Variants in GNPTAB observed in about 807,000 individuals in gnomAD.
GNPTAB encodes N-acetylglucosamine-1-phosphotransferase subunits alpha/beta.
In GNPTAB, 92 loss-of-function variants were observed where a neutral mutation model predicts 136.6. That is an observed-to-expected ratio of 0.67 (90% CI 0.57 to 0.80). The LOEUF (loss-of-function observed/expected upper bound fraction) is 0.80. Ranked by LOEUF, GNPTAB falls within the 30% of genes least tolerant of loss-of-function variation. The pLI, the probability that GNPTAB is intolerant of heterozygous loss-of-function variation, is 0.00. For synonymous variants in GNPTAB, 512 were observed against 535.1 expected, an observed-to-expected ratio of 0.96 and a Z score of 0.60; for missense variants, 1,343 against 1,501.8, an observed-to-expected ratio of 0.89 and a Z score of 1.75.
intron 1 of GNPTAB, among the ~76,000 whole-genome samples, chr12:101,826,959 T>G (rs929360837): frequency 2.2e-5 from 3 of 134,460 alleles, no homozygotes; most frequent in East Asian, 2.1e-4. Flanking sequence ...TGTTTTTTTT[T>G]TTTTTTTTTT....
At chr12:101,771,803 CA>C (rs1365730918) in intron 7 of GNPTAB, among the ~76,000 whole-genome samples, 2 of 152,204 alleles carry the variant, frequency 1.3e-5, no homozygotes, top group Non-Finnish European at 2.9e-5. Context: ...AATGTTGGCT[CA>C]AATGATTTTT....
At chr12:101,789,790 G>C in intron 3 of GNPTAB, 148 bp downstream of exon 3, 1 of 871,724 alleles carries the variant, frequency 1.1e-6, no homozygotes, top group Non-Finnish European at 1.9e-6. Context: ...GGCCTGTTTT[G>C]TTTTTTAAAA....
rs1227130270 is a variant in GNPTAB, at chr12:101,786,090, T to C, written c.493A>G (p.Ser165Gly). Residue 165 changes from serine (S) to glycine (G), a missense_variant, in exon 5 of 21, where the codon AGT becomes GGT. By Grantham distance (56) the Ser-to-Gly change is moderately conservative (BLOSUM62 0). Coordinates refer to ENST00000299314, the MANE Select transcript of GNPTAB (RefSeq NM_024312.5). Reference protein sequence around the residue: ...PSLYPSFHSASDIFNVAKPKN... With the variant: ...PSLYPSFHSAGDIFNVAKPKN... ...GGTTTTGCAACATTGAAAATGTCAC[T>C]GGCAGAATGAAAAGAAGGATAAAGA... 6 of 1,613,992 alleles carry C rather than the reference T, an allele frequency of 3.7e-6. No homozygotes were observed. The Admixed American group carries it at 1.0e-4, about 27-fold the overall frequency.
At chr12:101,812,143 G>T (rs1040362109) in intron 1 of GNPTAB, among the ~76,000 whole-genome samples, 1 of 152,058 alleles carries the variant, frequency 6.6e-6, no homozygotes, top group African/African-American at 2.4e-5. Context: ...TACTTGGGAG[G>T]CTGAGGCAGA....
intron 7 of GNPTAB, chr12:101,773,901 A>G (rs1953220903): frequency 6.6e-6 from 1 of 152,230 alleles, no homozygotes; most frequent in Non-Finnish European, 1.5e-5. Context: ...CATATATGGC[A>G]TCTTATTTTA....
At position 101,746,045 on chromosome 12, in the gene GNPTAB, AC is replaced by A. The variant is rs1340607479; in HGVS notation, c.*1118del. ...AGACTCTGTCTCAAAAACAACAACA[AC>A]AACAACAACAAAAACTAATTCTCAG... On this transcript the variant is annotated 3_prime_UTR_variant, in exon 21 of 21. Transcript: ENST00000299314. 6.6e-6 allele frequency: 1 copy of A among 152,380 alleles called. No individual in the cohort carries two copies. Among genetic ancestry groups the A allele is most frequent in the Non-Finnish European group, 1.5e-5 (1 of 68,210 alleles). 9.4% of individuals were successfully genotyped at this position (152,380 alleles called of 1,614,324 possible).
intron 1 of GNPTAB, among the ~76,000 whole-genome samples, chr12:101,809,301 T>C (rs760147326): frequency 6.6e-6 from 1 of 152,180 alleles, no homozygotes; most frequent in African/African-American, 2.4e-5. Flanking sequence ...CCGGGAAAGA[T>C]GTGAAGCAAC....
intron 5 of GNPTAB, among the ~76,000 whole-genome samples, chr12:101,782,103 G>A (rs1458929455): frequency 6.6e-6 from 1 of 152,184 alleles, no homozygotes; most frequent in Non-Finnish European, 1.5e-5. Flanking sequence ...CTTGTGAAAT[G>A]TGTAGATTCA....
At chr12:101,808,553 A>G (rs1029717975) in intron 1 of GNPTAB, among the ~76,000 whole-genome samples, 4 of 151,746 alleles carry the variant, frequency 2.6e-5, no homozygotes, top group African/African-American at 7.3e-5. Context: ...AAAAAAAAAG[A>G]AAGAAAATCT....
intron 1 of GNPTAB, among the ~76,000 whole-genome samples, chr12:101,818,084 G>A (rs1360724992): frequency 6.6e-6 from 1 of 152,178 alleles, no homozygotes; most frequent in South Asian, 2.1e-4. Context: ...TCACTCCAAA[G>A]ATGCTGCAGC....
intron 1 of GNPTAB, among the ~76,000 whole-genome samples, chr12:101,814,448 C>A (rs1477046103): frequency 6.6e-6 from 1 of 152,106 alleles, no homozygotes; most frequent in Non-Finnish European, 1.5e-5. Context: ...TGTTAATTCC[C>A]GCACTTTGGA....
chr12:101,752,833 C>T (rs1363343818), intron 19 of GNPTAB, among the ~76,000 whole-genome samples: 1 of 152,224 alleles, frequency 6.6e-6, no homozygotes, highest in Non-Finnish European at 1.5e-5. Context: ...TCCAACTAGA[C>T]TGAAAGAACC....
At chr12:101,817,124 C>G (rs1328934592) in intron 1 of GNPTAB, among the ~76,000 whole-genome samples, 2 of 151,866 alleles carry the variant, frequency 1.3e-5, no homozygotes, top group Non-Finnish European at 2.9e-5. Flanking sequence ...TTCGACAGCA[C>G]AAGAGGGCAA....
intron 4 of GNPTAB, 148 bp downstream of exon 4, chr12:101,788,400 C>T: frequency 1.5e-6 from 1 of 670,018 alleles, no homozygotes; most frequent in Admixed American, 2.2e-5. Flanking sequence ...TGCAAAATTT[C>T]CTGTCTAATA....
chr12:101,830,619 C>G lies in GNPTAB; in HGVS notation c.57G>C (p.Gly19=), dbSNP rs772963730. 2.5e-6 allele frequency: 4 copies of G among 1,613,040 alleles called. No homozygotes were observed. The highest frequency in any genetic ancestry group is 3.4e-6 in the Non-Finnish European group (4 of 1,179,284). The change falls in exon 1 of 21, where the codon GGG becomes GGC. Residue 19 remains glycine (G), a synonymous_variant. Coordinates refer to ENST00000299314, the MANE Select transcript of GNPTAB (RefSeq NM_024312.5). ...CGACGCCCAAGAAGCACACGTAGAGCCCATACCTGTGGGACAGGCAGGTAT... is the reference window on the plus strand; with the variant it reads ...CGACGCCCAAGAAGCACACGTAGAGGCCATACCTGTGGGACAGGCAGGTAT... ...QTYTCLSHRY[G]LYVCFLGVVV...
intron 5 of GNPTAB, among the ~76,000 whole-genome samples, chr12:101,782,669 G>C (rs772152991): frequency 1.3e-5 from 2 of 152,096 alleles, no homozygotes; most frequent in Non-Finnish European, 2.9e-5. Context: ...AAACCCTCTG[G>C]TGATTCCTCA....
chr12:101,774,802 G>A (rs934108213), intron 7 of GNPTAB, among the ~76,000 whole-genome samples: 1 of 152,170 alleles, frequency 6.6e-6, no homozygotes, highest in African/African-American at 2.4e-5. Context: ...AAAAACAATA[G>A]TAGCCAACAA....
chr12:101,790,215 G>C (rs533657855), intron 2 of GNPTAB, among the ~76,000 whole-genome samples, 158 bp from the exon 3 acceptor site: 57 of 152,324 alleles, frequency 3.7e-4, no homozygotes, highest in African/African-American at 1.3e-3. Flanking sequence ...TTTTCAAACT[G>C]TAGCTGGGGG....
rs1208886517 is a variant in GNPTAB at position 101,770,998 on chromosome 12, G to C, written c.931C>G (p.Gln311Glu). The C allele has an allele frequency of 3.1e-6, 5 of 1,613,846 alleles. No individual in the cohort carries two copies. The highest frequency in any genetic ancestry group is 4.2e-6 in the Non-Finnish European group (5 of 1,179,806). The change falls in exon 8 of 21, where the codon CAG becomes GAG. Residue 311 changes from glutamine to glutamate, a missense_variant and splice_region_variant. Transcript: ENST00000299314. ...YLLWDLSAISQSKQDEDISAS... is the reference protein window; with the variant it reads ...YLLWDLSAISESKQDEDISAS... ...AAAAGCTTCTGTGCATCCCTTACCT[G>C]GCTGATGGCGCTCAGATCCCATAAT...
Sources: gnomAD v4.1 joint callset for allele counts (sites outside exome capture counted in the v4.1 genomes callset) on GRCh38, gnomAD v4.1.1 for gene constraint, MANE v1.5 for transcripts, NCBI Gene and HGNC (gene_info 2026-07-23, HGNC 2026-07-21) for gene names.